The following HHLA2 variants were observed in gnomAD, a reference collection of about 807,000 sequenced individuals.
HHLA2 encodes the protein HHLA2 member of B7 family, also known as HERV-H LTR-associating protein 2.
A neutral mutation model predicts 45.9 loss-of-function variants in HHLA2; 48 were observed. That is an observed-to-expected ratio of 1.05 (90% CI 0.83 to 1.33). HHLA2 has a LOEUF of 1.33. Among genes scored for constraint, HHLA2 ranks in the 40% most tolerant of loss-of-function variants. HHLA2 has a pLI of 0.00. For missense variants in HHLA2, 462 were observed against 494.3 expected (o/e 0.93, Z 0.62); for synonymous variants, 161 against 173.9 (o/e 0.93, Z 0.59).
rs2081501303 is a variant in HHLA2 at position 108,337,878 on chromosome 3, T to C, written c.-27+9531T>C. Reference sequence around the variant, plus strand: ...CTTCTTGCTTATGTCCTAAACCTATTTGTTGCTTGTCACTAAACTCACCTT... The same window carrying C: ...CTTCTTGCTTATGTCCTAAACCTATCTGTTGCTTGTCACTAAACTCACCTT... On this transcript the variant is annotated intron_variant, in intron 3 of 10. Transcript: ENST00000619531. Among the ~76,000 whole-genome samples the C allele has an allele frequency of 2.0e-5, 3 of 152,170 alleles. No individual in the cohort carries two copies. In the South Asian group the frequency reaches 6.2e-4, roughly 31 times the overall value.
At chr3:108,366,576 G>T (rs1322376481) in intron 8 of HHLA2, among the ~76,000 whole-genome samples, 3 of 152,182 alleles carry the variant, frequency 2.0e-5, no homozygotes. Flanking sequence ...TTGTACCTCT[G>T]GTAGAATTCG....
At chr3:108,307,779 C>T (rs894530918) in intron 1 of HHLA2, among the ~76,000 whole-genome samples, 1 of 152,140 alleles carries the variant, frequency 6.6e-6, no homozygotes, top group African/African-American at 2.4e-5. Context: ...TGAAGGTCAC[C>T]AGTTTTCCCA....
chr3:108,307,127 TA>T (rs996073968), intron 1 of HHLA2, among the ~76,000 whole-genome samples: 1 of 152,048 alleles, frequency 6.6e-6, no homozygotes, highest in African/African-American at 2.4e-5. Flanking sequence ...CAGCCCTTTT[TA>T]AAAAAAATTT....
At chr3:108,365,023 G>C (rs1009524056) in intron 8 of HHLA2, among the ~76,000 whole-genome samples, 3 of 152,220 alleles carry the variant, frequency 2.0e-5, no homozygotes, top group South Asian at 2.1e-4. Context: ...TGTCAATTTT[G>C]GCTTTTGTTG....
chr3:108,354,511 T>C (rs1225529633), intron 5 of HHLA2, among the ~76,000 whole-genome samples: 1 of 152,116 alleles, frequency 6.6e-6, no homozygotes. Flanking sequence ...GAGTTCCTGA[T>C]GATGTGCTCT....
At chr3:108,299,337 A>G (rs565347880) in intron 1 of HHLA2, among the ~76,000 whole-genome samples, 15 of 149,020 alleles carry the variant, frequency 1.0e-4, no homozygotes, top group African/African-American at 1.5e-4. Flanking sequence ...ATATATATAT[A>G]TAATCATATA....
intron 4 of HHLA2, 59 bp from the exon 4 acceptor site, chr3:108,353,368 A>G (rs1464481620): frequency 1.8e-6 from 2 of 1,117,534 alleles, no homozygotes; most frequent in African/African-American, 1.6e-5. Context: ...GTTCTGGTAT[A>G]ATCCTGAACA....
intron 3 of HHLA2, among the ~76,000 whole-genome samples, chr3:108,331,716 G>C (rs2081389195): frequency 6.6e-6 from 1 of 152,074 alleles, no homozygotes; most frequent in African/African-American, 2.4e-5. Flanking sequence ...CATTTGCCCT[G>C]TAGCAAGTTT....
chr3:108,329,958 G>A (rs76438130), intron 3 of HHLA2, among the ~76,000 whole-genome samples: 2,100 of 152,266 alleles, frequency 0.014, 26 homozygotes, highest in Non-Finnish European at 0.023. Flanking sequence ...CTTTAATGGG[G>A]TTGCAGTTAA....
chr3:108,309,268 C>A (rs1421613957), intron 1 of HHLA2, among the ~76,000 whole-genome samples: 3 of 152,158 alleles, frequency 2.0e-5, no homozygotes, highest in African/African-American at 7.2e-5. Context: ...AAGAGACTAT[C>A]TTTTCCCCAG....
At chr3:108,373,440 C>T (rs1483603078) in intron 8 of HHLA2, among the ~76,000 whole-genome samples, 1 of 152,076 alleles carries the variant, frequency 6.6e-6, no homozygotes, top group African/African-American at 2.4e-5. Flanking sequence ...TGCCCTCTCA[C>T]CACTCCTATT....
chr3:108,356,324 C>T (rs1470337168), intron 6 of HHLA2, among the ~76,000 whole-genome samples: 3 of 152,120 alleles, frequency 2.0e-5, no homozygotes, highest in African/African-American at 7.2e-5. Flanking sequence ...GCCACCGTGC[C>T]CAGCCTGTTT....
intron 3 of HHLA2, among the ~76,000 whole-genome samples, chr3:108,338,371 A>G (rs1468991758): frequency 6.6e-6 from 1 of 152,126 alleles, no homozygotes; most frequent in East Asian, 1.9e-4. Context: ...GAGGGATTTT[A>G]TTAGCATTAC....
chr3:108,303,086 T>C (rs1482200246), intron 1 of HHLA2, among the ~76,000 whole-genome samples: 2 of 152,220 alleles, frequency 1.3e-5, no homozygotes, highest in Non-Finnish European at 2.9e-5. Context: ...TATGTCTTGG[T>C]TCTGAGTTTT....
intron 1 of HHLA2, among the ~76,000 whole-genome samples, chr3:108,308,713 G>C (rs2080970159): frequency 6.6e-6 from 1 of 152,112 alleles, no homozygotes; most frequent in South Asian, 2.1e-4. Context: ...TTTTAACGGG[G>C]GTGAGATGAT....
intron 8 of HHLA2, among the ~76,000 whole-genome samples, chr3:108,369,996 G>A (rs2082139184): frequency 6.6e-6 from 1 of 152,168 alleles, no homozygotes; most frequent in African/African-American, 2.4e-5. Context: ...TGAGATCTGA[G>A]AACGGGCAGA....
intron 3 of HHLA2, among the ~76,000 whole-genome samples, chr3:108,329,829 T>G (rs1560215152): frequency 2.0e-5 from 3 of 152,182 alleles, no homozygotes; most frequent in Admixed American, 6.5e-5. Flanking sequence ...TTATGAACAA[T>G]CTACTACTGC....
At chr3:108,304,707 C>T (rs1353638118) in intron 1 of HHLA2, among the ~76,000 whole-genome samples, 1 of 152,208 alleles carries the variant, frequency 6.6e-6, no homozygotes, top group Non-Finnish European at 1.5e-5. Context: ...GTGGGCTTCA[C>T]CTCCCTACTA....
chr3:108,353,766 T>C, exon 5 of HHLA2: 1 of 1,608,900 alleles, frequency 6.2e-7, no homozygotes, highest in Non-Finnish European at 8.5e-7. Context: ...AACAAAGTGG[T>C]GCTAAAGGTG....
Sources: gnomAD v4.1 joint callset for allele counts (sites outside exome capture counted in the v4.1 genomes callset) on GRCh38, gnomAD v4.1.1 for gene constraint, MANE v1.5 for transcripts, NCBI Gene and HGNC (gene_info 2026-07-23, HGNC 2026-07-21) for gene names.